The following GCC2 variants were observed in gnomAD, a reference collection of about 807,000 sequenced individuals.
The protein encoded by GCC2 is GRIP and coiled-coil domain-containing protein 2.
A neutral mutation model predicts 210.6 loss-of-function variants in GCC2; 120 were observed. The observed-to-expected ratio is 0.57, with a 90% confidence interval of 0.49 to 0.66. The LOEUF (loss-of-function observed/expected upper bound fraction) is 0.66, where lower values mean the gene tolerates loss of function less well. Among genes scored for constraint, GCC2 ranks in the 30% least tolerant of loss-of-function variants. The pLI, the probability that GCC2 is intolerant of heterozygous loss-of-function variation, is 0.00. For synonymous variants in GCC2, 703 were observed against 652.7 expected (o/e 1.08, Z -1.17); for missense variants, 1,868 against 1,871.9 (o/e 1.00, Z 0.04).
In GCC2 at chr2:108,481,733, C is replaced by T; in HGVS notation, c.3097C>T (p.Leu1033=). 3 of 1,601,806 alleles carry T rather than the reference C, an allele frequency of 1.9e-6. No homozygotes were observed. Among genetic ancestry groups the T allele is most frequent in the Middle Eastern group, 1.7e-4 (1 of 6,018 alleles). ...AGAATATGAAAAGCAGTCAGAGCAA[C>T]TGGATGTGGAAAAAGAACGTGCTAA... ...LLEYEKQSEQ[L]DVEKERANNF... is the part of the protein sequence containing the mutation. Residue 1033 remains leucine, a synonymous_variant, in exon 10 of 23, where the codon CTG becomes TTG. Transcript: ENST00000309863.
chr2:108,449,460 C>T (rs1679782863), intron 1 of GCC2, among the ~76,000 whole-genome samples, 173 bp from the exon 2 acceptor site: 1 of 152,150 alleles, frequency 6.6e-6, no homozygotes, highest in South Asian at 2.1e-4. Flanking sequence ...CCGTAGAGCC[C>T]GTTTGTGTAC....
At chr2:108,479,539 G>A (rs1308962805) in intron 9 of GCC2, among the ~76,000 whole-genome samples, 2 of 152,106 alleles carry the variant, frequency 1.3e-5, no homozygotes, top group African/African-American at 4.8e-5. Context: ...TACTTGGGAG[G>A]CTGAGGGAGG....
At chr2:108,472,784 T>C in intron 6 of GCC2, 43 bp from the exon 7 acceptor site, 1 of 1,146,380 alleles carries the variant, frequency 8.7e-7, no homozygotes, top group South Asian at 1.3e-5. Context: ...CTGATTCTGG[T>C]TTTTGTTTTG....
intron 17 of GCC2, among the ~76,000 whole-genome samples, 179 bp downstream of exon 17, chr2:108,487,999 G>A (rs556979734): frequency 3.3e-5 from 5 of 149,362 alleles, no homozygotes; most frequent in South Asian, 2.1e-4. Flanking sequence ...TTCGCTTCCC[G>A]GGTTCAAGGG....
chr2:108,507,393 CA>C (rs1190028042), intron 22 of GCC2, 166 bp from the exon 23 acceptor site: 201 of 336,442 alleles, frequency 6.0e-4, no homozygotes, highest in Middle Eastern at 2.0e-3. Context: ...GACCCTGTCT[CA>C]AAAAAAAAGA....
At chr2:108,489,568 C>CAT (rs1310629182) in intron 17 of GCC2, among the ~76,000 whole-genome samples, 1 of 151,588 alleles carries the variant, frequency 6.6e-6, no homozygotes, top group Non-Finnish European at 1.5e-5. Context: ...AGTCCTGTAA[C>CAT]ATAAATAGGC....
At chr2:108,504,142 A>G (rs1425989721) in intron 22 of GCC2, among the ~76,000 whole-genome samples, 1 of 152,194 alleles carries the variant, frequency 6.6e-6, no homozygotes, top group Non-Finnish European at 1.5e-5. Flanking sequence ...TTAAGAAATA[A>G]AAATAATATG....
intron 19 of GCC2, 105 bp from the exon 20 acceptor site, chr2:108,495,186 T>G (rs1682587539): frequency 3.2e-6 from 2 of 623,706 alleles, no homozygotes; most frequent in Non-Finnish European, 5.5e-6. Flanking sequence ...ACTTAATTCC[T>G]CTACTCTTAT....
rs1573345094 is a variant in GCC2, at chr2:108,456,695, A to G, written c.216+4229A>G. On this transcript the variant is annotated intron_variant, in intron 4 of 22. Transcript: ENST00000309863. Reference sequence around the variant, plus strand: ...GCTATGCAGAAGCTTTTTAGCCTATAATCTCAGCATTAAGGGAAGCCATGG... The same window carrying G: ...GCTATGCAGAAGCTTTTTAGCCTATGATCTCAGCATTAAGGGAAGCCATGG... Among the ~76,000 whole-genome samples the G allele has an allele frequency of 1.3e-5, 2 of 152,210 alleles. 1 individual carries two copies. The highest frequency in any genetic ancestry group is 4.2e-4 in the South Asian group (2 of 4,818).
chr2:108,469,649 A>G lies in GCC2; in HGVS notation c.322-2A>G, dbSNP rs1681079819. On this transcript the variant is annotated splice_acceptor_variant, in intron 5 of 22. Coordinates refer to ENST00000309863, the MANE Select transcript of GCC2 (RefSeq NM_181453.4). LOFTEE classifies it high-confidence loss of function. ...TTTATGTGTGCTTATTTTTTGTAATAGGATTCTGTAACAAAGATGGGAGAT... is the reference window on the plus strand; with the variant it reads ...TTTATGTGTGCTTATTTTTTGTAATGGGATTCTGTAACAAAGATGGGAGAT... The G allele has an allele frequency of 6.4e-7, 1 of 1,565,980 alleles. No homozygotes were observed. The highest frequency in any genetic ancestry group is 1.2e-5 in the South Asian group (1 of 82,748).
chr2:108,483,071 A>G lies in GCC2; in HGVS notation c.3355A>G (p.Thr1119Ala), dbSNP rs773563468. 5.2e-6 allele frequency: 8 copies of G among 1,538,806 alleles called. No homozygotes were observed. The Admixed American group carries it at 1.3e-4, about 26-fold the overall frequency. The stretch of plus-strand genomic sequence containing the variant: ...TTATTTTTAATTTCAGGAACATGCC[A>G]CTACTGTAAATGAACTTGAAGAACT... ...QKEQKIKEHA[T>A]TVNELEELQV... The change falls in exon 12 of 23, where the codon ACT (threonine) becomes GCT (alanine). Residue 1119 changes from threonine (T) to alanine (A), a missense_variant. This residue lies in a region of GCC2 where 1,847 missense variants were observed against 1,765.2 expected (regional missense o/e 1.05). Transcript: ENST00000309863.
At chr2:108,457,391 C>A in intron 4 of GCC2, among the ~76,000 whole-genome samples, 1 of 151,966 alleles carries the variant, frequency 6.6e-6, no homozygotes, top group East Asian at 1.9e-4. Context: ...GTTTCTATAG[C>A]CTCGTAATAT....
chr2:108,475,549 G>T lies in GCC2; in HGVS notation c.2875G>T (p.Glu959Ter). ...LEEKIENLEK[E>*]CKEKEEKINK... ...TCTATTTTTAGAAAATCTGGAAAAAGAATGCAAAGAAAAGGAGGAGAAAAT... is the reference window on the plus strand; with the variant it reads ...TCTATTTTTAGAAAATCTGGAAAAATAATGCAAAGAAAAGGAGGAGAAAAT... The change falls in exon 8 of 23, where the codon GAA becomes TAA. Residue 959 changes from glutamate (E) to a stop codon, truncating the protein, a stop_gained. Transcript: ENST00000309863. LOFTEE classifies it high-confidence loss of function. The T allele has an allele frequency of 1.4e-6, 2 of 1,453,630 alleles. No homozygotes were observed. The highest frequency in any genetic ancestry group is 1.9e-6 in the Non-Finnish European group (2 of 1,076,358). 90.0% of individuals were successfully genotyped at this position (1,453,630 alleles called of 1,614,324 possible). A position where few individuals can be genotyped will look rare whatever the true frequency, so the allele number is the denominator to read the frequency against.
intron 21 of GCC2, 87 bp downstream of exon 21, chr2:108,497,196 A>G (rs1426136713): frequency 6.2e-7 from 1 of 1,601,600 alleles, no homozygotes; most frequent in Non-Finnish European, 8.5e-7. Flanking sequence ...AGCTCACTGC[A>G]AGCTCCACCT....
intron 21 of GCC2, 135 bp downstream of exon 21, chr2:108,497,244 G>A: frequency 1.4e-6 from 2 of 1,444,296 alleles, no homozygotes; most frequent in Non-Finnish European, 1.9e-6. Flanking sequence ...AGCCTCCCGA[G>A]TAGCTGGGAC....
chr2:108,508,026 T>C lies in GCC2; in HGVS notation c.*396T>C, dbSNP rs1683290857. On this transcript the variant is annotated 3_prime_UTR_variant, in exon 23 of 23. Transcript: ENST00000309863. ...AAAAATAATGTTTCAAGGCCAGGTG[T>C]GGTGATTCATGCCTGAAATCCCACT... is the stretch of plus-strand genomic sequence containing the variant. 2 of 148,832 alleles carry C rather than the reference T, an allele frequency of 1.3e-5. 1 individual carries two copies. Among genetic ancestry groups the C allele is most frequent in the South Asian group, 3.6e-4 (2 of 5,536 alleles). The allele number at this position is 148,832 out of a possible 1,614,324, so 9.2% of individuals were successfully genotyped here.
intron 16 of GCC2, 115 bp from the exon 17 acceptor site, chr2:108,487,584 C>A: frequency 1.1e-6 from 1 of 940,478 alleles, no homozygotes; most frequent in Non-Finnish European, 1.6e-6. Flanking sequence ...AAAAGAATGT[C>A]AGCCATTTTT....
At chr2:108,506,851 T>C (rs571063561) in intron 22 of GCC2, among the ~76,000 whole-genome samples, 1 of 151,530 alleles carries the variant, frequency 6.6e-6, no homozygotes, top group Non-Finnish European at 1.5e-5. Flanking sequence ...AAGTATATTG[T>C]GAGAAGATGG....
At chr2:108,487,308 A>G (rs1178096147) in intron 16 of GCC2, among the ~76,000 whole-genome samples, 1 of 152,236 alleles carries the variant, frequency 6.6e-6, no homozygotes, top group Non-Finnish European at 1.5e-5. Flanking sequence ...GGTAGAAGAC[A>G]TGGTAGAAAC....
Sources: gnomAD v4.1 joint callset for allele counts (sites outside exome capture counted in the v4.1 genomes callset) on GRCh38, gnomAD v4.1.1 for gene constraint, gnomAD v4.1.1 regional missense constraint, MANE v1.5 for transcripts, NCBI Gene and HGNC (gene_info 2026-07-23, HGNC 2026-07-21) for gene names.